Variants in DTD1 observed in about 807,000 individuals in gnomAD.
The protein encoded by DTD1 is D-aminoacyl-tRNA deacylase 1.
A neutral mutation model predicts 25.6 loss-of-function variants in DTD1; 13 were observed. The observed-to-expected ratio is 0.51, with a 90% CI of 0.33 to 0.81. The LOEUF is 0.81. Ranked by LOEUF, DTD1 falls within the 30% of genes least tolerant of loss-of-function variation. The pLI is 0.02. For synonymous variants in DTD1, 110 were observed against 103.6 expected (o/e 1.06, Z -0.37); for missense variants, 193 against 266.4 (o/e 0.72, Z 1.92).
chr20:18,620,370 A>T (rs532017978), intron 3 of DTD1, among the ~76,000 whole-genome samples: 7 of 152,250 alleles, frequency 4.6e-5, no homozygotes, highest in African/African-American at 1.7e-4. Context: ...TCTAACCCTG[A>T]TCTCTTAATT....
intron 4 of DTD1, among the ~76,000 whole-genome samples, chr20:18,680,083 G>A (rs1342137992): frequency 6.6e-6 from 1 of 152,168 alleles, no homozygotes; most frequent in African/African-American, 2.4e-5. Context: ...CCTTGTTTAT[G>A]CTGGGGAGGG....
intron 4 of DTD1, among the ~76,000 whole-genome samples, chr20:18,641,291 C>T (rs2060827221): frequency 6.6e-6 from 1 of 152,184 alleles, no homozygotes; most frequent in Admixed American, 6.5e-5. Flanking sequence ...GTGAATAGCG[C>T]TGCTGTTAAC....
chr20:18,631,605 A>G, intron 4 of DTD1: 1 of 985,374 alleles, frequency 1.0e-6, no homozygotes. Flanking sequence ...CAGTGACCTC[A>G]CATTGCTTTA....
intron 5 of DTD1, among the ~76,000 whole-genome samples, chr20:18,761,611 G>C (rs190605847): frequency 2.6e-4 from 39 of 152,260 alleles, no homozygotes; most frequent in African/African-American, 7.0e-4. Flanking sequence ...TAAAAATGTA[G>C]AATATTGTAG....
intron 3 of DTD1, among the ~76,000 whole-genome samples, chr20:18,600,603 G>A (rs6136426): frequency 0.51 from 77,544 of 151,874 alleles, 20,162 homozygotes; most frequent in Middle Eastern, 0.57. Context: ...GCTTCCCCAT[G>A]TAAACTTTAG....
intron 4 of DTD1, among the ~76,000 whole-genome samples, chr20:18,700,281 C>T (rs189465789): frequency 3.2e-4 from 48 of 152,300 alleles, no homozygotes; most frequent in South Asian, 1.0e-3. Context: ...TTGTTTGTTT[C>T]TCAAGAGAAC....
intron 5 of DTD1, among the ~76,000 whole-genome samples, chr20:18,755,410 C>T (rs1467558198): frequency 1.3e-5 from 2 of 152,064 alleles, no homozygotes; most frequent in Non-Finnish European, 2.9e-5. Context: ...CTAATGCTAT[C>T]CCTCCCCTCT....
intron 4 of DTD1, among the ~76,000 whole-genome samples, chr20:18,657,366 T>C (rs564594989): frequency 1.3e-5 from 2 of 152,360 alleles, no homozygotes; most frequent in South Asian, 4.1e-4. Context: ...GCCCTTCTTA[T>C]TTATTAGAAA....
At chr20:18,589,507 A>G (rs2060580673) in intron 1 of DTD1, among the ~76,000 whole-genome samples, 1 of 152,240 alleles carries the variant, frequency 6.6e-6, no homozygotes, top group Non-Finnish European at 1.5e-5. Context: ...CTGTTCTGGT[A>G]GCTTTGGTTT....
chr20:18,703,056 C>T (rs893613396), intron 4 of DTD1, among the ~76,000 whole-genome samples: 1 of 152,170 alleles, frequency 6.6e-6, no homozygotes. Flanking sequence ...GTGCTGAAGT[C>T]TATTTTCAAT....
At chr20:18,738,645 C>T (rs559034021) in intron 4 of DTD1, among the ~76,000 whole-genome samples, 1 of 152,334 alleles carries the variant, frequency 6.6e-6, no homozygotes, top group East Asian at 1.9e-4. Context: ...TCCAAAGACC[C>T]TCTGCAGTCC....
At chr20:18,729,442 A>G (rs944431516) in intron 4 of DTD1, among the ~76,000 whole-genome samples, 3 of 152,240 alleles carry the variant, frequency 2.0e-5, no homozygotes, top group African/African-American at 4.8e-5. Flanking sequence ...CGGGGTATTC[A>G]GAGCTGAGAT....
intron 4 of DTD1, among the ~76,000 whole-genome samples, chr20:18,628,671 G>A (rs963904261): frequency 3.3e-5 from 5 of 152,182 alleles, no homozygotes; most frequent in Non-Finnish European, 5.9e-5. Context: ...CTAAAGCAGT[G>A]TCTGACCTGG....
chr20:18,717,455 T>A (rs2061185675), intron 4 of DTD1, among the ~76,000 whole-genome samples: 1 of 152,236 alleles, frequency 6.6e-6, no homozygotes, highest in African/African-American at 2.4e-5. Context: ...TATGTATATG[T>A]TATGGCAGTA....
chr20:18,637,508 T>C (rs1053728380), intron 4 of DTD1, among the ~76,000 whole-genome samples: 2 of 152,220 alleles, frequency 1.3e-5, no homozygotes, highest in Admixed American at 1.3e-4. Flanking sequence ...TGTGCAAGAT[T>C]GTAGCAGTGT....
intron 4 of DTD1, among the ~76,000 whole-genome samples, chr20:18,722,961 CA>C (rs2061210306): frequency 6.6e-6 from 1 of 152,274 alleles, no homozygotes; most frequent in Admixed American, 6.5e-5. Context: ...CAAAAAAAGT[CA>C]AAACACATAG....
At chr20:18,702,066 ATATT>A (rs1306714514) in intron 4 of DTD1, among the ~76,000 whole-genome samples, 1 of 152,214 alleles carries the variant, frequency 6.6e-6, no homozygotes, top group Non-Finnish European at 1.5e-5. Context: ...TGCATAATAA[ATATT>A]TAGAGAGTCT....
intron 4 of DTD1, among the ~76,000 whole-genome samples, chr20:18,660,363 G>T (rs1600349500): frequency 6.6e-6 from 1 of 152,106 alleles, no homozygotes; most frequent in East Asian, 1.9e-4. Flanking sequence ...GGGACTATAG[G>T]TGCACACAAG....
At chr20:18,719,071 T>C (rs1424781879) in intron 4 of DTD1, among the ~76,000 whole-genome samples, 4 of 152,212 alleles carry the variant, frequency 2.6e-5, no homozygotes. Context: ...GAAAGTGCAT[T>C]TTTGACTTTG....
Sources: allele counts gnomAD v4.1 joint callset (sites outside exome capture counted in the v4.1 genomes callset), GRCh38; gene constraint gnomAD v4.1.1; transcripts MANE v1.5; gene names NCBI Gene and HGNC (gene_info 2026-07-23, HGNC 2026-07-21).